The following ZNF423 variants were observed in gnomAD, a reference collection of about 807,000 sequenced individuals.
The protein encoded by ZNF423 is Ebf-associated zinc finger protein.
Under a neutral mutation model 95.8 loss-of-function variants are expected in ZNF423, and 12 were observed. That is an observed-to-expected ratio of 0.13 (90% CI 0.08 to 0.20). The LOEUF is 0.20. ZNF423 is among the 10% of genes least tolerant of loss of function. The pLI is 1.00. For missense variants in ZNF423, 1,316 were observed against 1,737.1 expected (o/e 0.76, Z 4.31); for synonymous variants, 749 against 711.9 (o/e 1.05, Z -0.83).
intron 5 of ZNF423, among the ~76,000 whole-genome samples, chr16:49,621,464 G>A (rs1410639496): frequency 6.6e-6 from 1 of 152,228 alleles, no homozygotes; most frequent in African/African-American, 2.4e-5. Flanking sequence ...CAGGGTCTCC[G>A]GGCTGCAGAG....
At chr16:49,650,970 C>T (rs570585834) in intron 3 of ZNF423, among the ~76,000 whole-genome samples, 3 of 152,162 alleles carry the variant, frequency 2.0e-5, no homozygotes, top group African/African-American at 7.2e-5. Context: ...ATCAAGAATT[C>T]CCAACTTTTT....
intron 4 of ZNF423, among the ~76,000 whole-genome samples, chr16:49,628,385 T>A (rs1220157146): frequency 2.0e-5 from 3 of 150,376 alleles, no homozygotes; most frequent in Non-Finnish European, 4.4e-5. Flanking sequence ...CATCCACCCA[T>A]CTACCCATTC....
At chr16:49,677,078 C>G (rs1216901164) in intron 3 of ZNF423, among the ~76,000 whole-genome samples, 4 of 151,024 alleles carry the variant, frequency 2.6e-5, no homozygotes, top group Non-Finnish European at 5.9e-5. Context: ...ATTACCCTGG[C>G]GTGGTGGTGC....
At chr16:49,615,009 T>C (rs958253006) in intron 5 of ZNF423, among the ~76,000 whole-genome samples, 2 of 152,168 alleles carry the variant, frequency 1.3e-5, no homozygotes, top group Non-Finnish European at 1.5e-5. Context: ...CGCTTGCCTG[T>C]AATCTCAGTT....
chr16:49,618,783 C>T (rs1447863518), intron 5 of ZNF423, among the ~76,000 whole-genome samples: 1 of 152,196 alleles, frequency 6.6e-6, no homozygotes, highest in Non-Finnish European at 1.5e-5. Context: ...CATCTGCCAC[C>T]TGTCACCCAA....
At chr16:49,693,313 A>G (rs976144325) in intron 3 of ZNF423, among the ~76,000 whole-genome samples, 2 of 152,172 alleles carry the variant, frequency 1.3e-5, no homozygotes, top group African/African-American at 4.8e-5. Context: ...CGTTAGTTCC[A>G]TTTTACAGAT....
chr16:49,551,737 G>C (rs1969645658), intron 5 of ZNF423, among the ~76,000 whole-genome samples: 1 of 152,340 alleles, frequency 6.6e-6, no homozygotes, highest in South Asian at 2.1e-4. Flanking sequence ...AGCTGAGCCA[G>C]AGTGGGTGGG....
intron 3 of ZNF423, among the ~76,000 whole-genome samples, chr16:49,692,510 C>G (rs1175975132): frequency 2.6e-5 from 4 of 152,200 alleles, no homozygotes; most frequent in South Asian, 2.1e-4. Context: ...GAACCAGCAC[C>G]TTAACCCATG....
intron 2 of ZNF423, among the ~76,000 whole-genome samples, chr16:49,753,152 G>T (rs1046048864): frequency 6.6e-6 from 1 of 152,020 alleles, no homozygotes; most frequent in Non-Finnish European, 1.5e-5. Flanking sequence ...ACTGAGGCAG[G>T]AGAATCACTT....
chr16:49,525,351 T>TG lies in ZNF423; in HGVS notation c.3733+11dup. 6.2e-7 allele frequency: 1 copy of TG among 1,613,916 alleles called. No individual in the cohort carries two copies. Among genetic ancestry groups the TG allele is most frequent in the East Asian group, 2.2e-5 (1 of 44,878 alleles). On this transcript the variant is annotated intron_variant, in intron 6 of 7. Transcript: ENST00000563137. ...TCTCTCTCCCCTGAGGGGCACAAGC[T>TG]GGGTACCTTACCTGTGAAACACACG...
intron 3 of ZNF423, among the ~76,000 whole-genome samples, chr16:49,639,234 A>G (rs1306941529): frequency 6.6e-6 from 1 of 152,256 alleles, no homozygotes; most frequent in African/African-American, 2.4e-5. Flanking sequence ...ACAGACCACC[A>G]GTCCCATAGG....
chr16:49,748,580 C>T (rs1014346116), intron 2 of ZNF423, among the ~76,000 whole-genome samples: 2 of 152,304 alleles, frequency 1.3e-5, no homozygotes, highest in South Asian at 2.1e-4. Context: ...GCCAGCTGGC[C>T]GACCAAAGTA....
intron 3 of ZNF423, among the ~76,000 whole-genome samples, chr16:49,679,665 CACAA>C (rs1487690746): frequency 2.6e-5 from 4 of 152,236 alleles, no homozygotes; most frequent in African/African-American, 9.6e-5. Flanking sequence ...TGCCCCTCGG[CACAA>C]ACAGTCTGGG....
intron 1 of ZNF423, among the ~76,000 whole-genome samples, chr16:49,808,639 G>A (rs921943575): frequency 6.6e-6 from 1 of 152,120 alleles, no homozygotes; most frequent in Non-Finnish European, 1.5e-5. Context: ...GCATGCCAAG[G>A]GCAGTGCTGG....
chr16:49,636,163 G>A lies in ZNF423; in HGVS notation c.3013C>T (p.Leu1005=). The part of the protein sequence containing the change: ...TGTCRICKMP[L]QSEEEFIEHC... ...TCAATAAACTCCTCCTCGCTCTGCAGGGGCATCTTGCAGATGCGACAGGTG... is the reference window on the plus strand; with the variant it reads ...TCAATAAACTCCTCCTCGCTCTGCAAGGGCATCTTGCAGATGCGACAGGTG... The change falls in exon 4 of 8, where the codon CTG becomes TTG. Residue 1005 remains leucine, a synonymous_variant. Transcript: ENST00000563137. This position sits in a 1 kb window ranked among gnomAD's most constrained non-coding sequence, Gnocchi z 8.6. 1 of 1,613,712 alleles carries A rather than the reference G, an allele frequency of 6.2e-7. No homozygotes were observed. The highest frequency in any genetic ancestry group is 8.5e-7 in the Non-Finnish European group (1 of 1,180,036).
At chr16:49,558,432 G>A (rs927182426) in intron 5 of ZNF423, among the ~76,000 whole-genome samples, 3 of 152,206 alleles carry the variant, frequency 2.0e-5, no homozygotes, top group African/African-American at 7.2e-5. Context: ...CAAAGATCCT[G>A]GCCCCAGCCC....
At chr16:49,594,799 GAAC>G (rs34530366) in intron 5 of ZNF423, among the ~76,000 whole-genome samples, 4,509 of 152,252 alleles carry the variant, frequency 0.03, 78 homozygotes, top group Non-Finnish European at 0.043. Context: ...ACAGCAGCAA[GAAC>G]AACATGATAC....
intron 7 of ZNF423, chr16:49,517,725 G>T: frequency 4.1e-6 from 1 of 241,370 alleles, no homozygotes; most frequent in Non-Finnish European, 8.2e-6. Context: ...TGAGTTTCTT[G>T]GTAATATCCT....
chr16:49,731,790 T>A (rs1717650553), intron 2 of ZNF423, among the ~76,000 whole-genome samples: 1 of 152,124 alleles, frequency 6.6e-6, no homozygotes, highest in Admixed American at 6.5e-5. Flanking sequence ...AGCCTGGGCC[T>A]GGACCCTATC....
Sources: gnomAD v4.1 joint callset for allele counts (sites outside exome capture counted in the v4.1 genomes callset) on GRCh38, gnomAD v4.1.1 for gene constraint, Gnocchi (gnomAD v3.1) non-coding constraint, MANE v1.5 for transcripts, NCBI Gene and HGNC (gene_info 2026-07-23, HGNC 2026-07-21) for gene names.